Variants in TP63 observed in about 807,000 individuals in gnomAD.
TP63 encodes the protein tumor protein 63.
TP63 carries 17 observed loss-of-function variants against 82.8 expected under a neutral mutation model. The ratio of observed to expected loss-of-function variants is 0.21; its 90% CI spans 0.14 to 0.31. The LOEUF (loss-of-function observed/expected upper bound fraction) is 0.31. TP63 is among the 10% of genes least tolerant of loss of function. TP63 has a pLI of 1.00. For missense variants in TP63, 648 were observed against 895.3 expected, an observed-to-expected ratio of 0.72 and a Z score of 3.52; for synonymous variants, 330 against 321.7, an observed-to-expected ratio of 1.03 and a Z score of -0.28.
intron 3 of TP63, among the ~76,000 whole-genome samples, chr3:189,746,915 G>T (rs1577343012): frequency 6.6e-6 from 1 of 151,256 alleles, no homozygotes; most frequent in Non-Finnish European, 1.5e-5. Flanking sequence ...ATGAAAAAAG[G>T]CATTTCATGC....
intron 1 of TP63, among the ~76,000 whole-genome samples, chr3:189,684,826 T>C (rs1716302753): frequency 6.6e-6 from 1 of 152,042 alleles, no homozygotes. Flanking sequence ...GAAATGGGGT[T>C]TCTCCATGTT....
intron 9 of TP63, among the ~76,000 whole-genome samples, chr3:189,872,559 C>T (rs945584722): frequency 6.6e-6 from 1 of 151,968 alleles, no homozygotes; most frequent in Non-Finnish European, 1.5e-5. Flanking sequence ...ATGTAAAACA[C>T]GTGGCGCTAA....
At chr3:189,669,215 G>GA (rs141459396) in intron 1 of TP63, among the ~76,000 whole-genome samples, 3,165 of 151,590 alleles carry the variant, frequency 0.021, 124 homozygotes, top group African/African-American at 0.07. Flanking sequence ...TATAGCAAAA[G>GA]AAAAAAACAA....
intron 1 of TP63, among the ~76,000 whole-genome samples, chr3:189,682,547 A>T (rs964636672): frequency 2.5e-4 from 7 of 27,742 alleles, no homozygotes; most frequent in Admixed American, 5.4e-4. Context: ...AAAAAAAAAA[A>T]AAAAAAATAT....
intron 4 of TP63, among the ~76,000 whole-genome samples, chr3:189,840,751 G>A (rs1350947240): frequency 3.3e-5 from 5 of 151,352 alleles, no homozygotes; most frequent in South Asian, 2.1e-4. Context: ...CCAGCTACTC[G>A]GGAGCCTGAG....
At chr3:189,858,745 C>T (rs1716633638) in intron 4 of TP63, among the ~76,000 whole-genome samples, 1 of 152,124 alleles carries the variant, frequency 6.6e-6, no homozygotes, top group Non-Finnish European at 1.5e-5. Flanking sequence ...TGCCACTGTA[C>T]TGCAGCCTGA....
At chr3:189,621,132 T>C in the TP63 span, among the ~76,000 whole-genome samples, 1 of 152,308 alleles carries the variant, frequency 6.6e-6, no homozygotes, top group African/African-American at 2.4e-5. Flanking sequence ...ATGATGCCCA[T>C]TGACTGTGCA....
chr3:189,868,102 A>G lies in TP63; in HGVS notation c.992+160A>G, dbSNP rs183151451. Among the ~76,000 whole-genome samples the G allele has an allele frequency of 9.2e-5, 14 of 152,338 alleles. 1 individual carries two copies. The East Asian group carries it at 1.3e-3, about 15-fold the overall frequency. ...CAAACGGTTACATAAAAGATCTAAG[A>G]AAGTGGAGACAAAGGAAGGTGGGTA... On this transcript the variant is annotated intron_variant, in intron 7 of 13. Transcript: ENST00000264731.
intron 4 of TP63, among the ~76,000 whole-genome samples, chr3:189,856,055 T>A (rs1408272325): frequency 2.0e-5 from 3 of 151,870 alleles, no homozygotes; most frequent in African/African-American, 7.2e-5. Flanking sequence ...TTCTTAGCTA[T>A]AGAAGATATT....
At position 189,894,220 on chromosome 3, in the gene TP63, G is replaced by A. The variant is rs573105911; in HGVS notation, c.1761G>A (p.Leu587=). 2.2e-5 allele frequency: 36 copies of A among 1,613,978 alleles called. No homozygotes were observed. Among genetic ancestry groups the A allele is most frequent in the Non-Finnish European group, 2.2e-5 (26 of 1,180,014 alleles). ...CTGTTGCACAGGATCTGGCAAGTCTGAAAATCCCTGAGCAATTTCGACATG... is the reference window on the plus strand; with the variant it reads ...CTGTTGCACAGGATCTGGCAAGTCTAAAAATCCCTGAGCAATTTCGACATG... ...EHYSMDDLAS[L]KIPEQFRHAI... Residue 587 remains leucine (L), a synonymous_variant, in exon 14 of 14, where the codon CTG becomes CTA. Transcript: ENST00000264731.
At chr3:189,719,956 G>T (rs1163839796) in intron 1 of TP63, among the ~76,000 whole-genome samples, 4 of 152,078 alleles carry the variant, frequency 2.6e-5, no homozygotes, top group Non-Finnish European at 4.4e-5. Context: ...CATTTATTCT[G>T]TTTCTAAAAG....
chr3:189,878,617 C>G (rs1429443219), intron 10 of TP63, among the ~76,000 whole-genome samples: 2 of 144,142 alleles, frequency 1.4e-5, no homozygotes, highest in African/African-American at 2.6e-5. Flanking sequence ...TTAGTAGAGA[C>G]GGGATTTCAC....
chr3:189,894,145 G>A (rs2108872392), intron 13 of TP63, 61 bp from the exon 14 acceptor site: 2 of 1,598,634 alleles, frequency 1.3e-6, no homozygotes, highest in East Asian at 4.5e-5. Flanking sequence ...GGATGCTGTG[G>A]ACTAAATGTC....
At chr3:189,765,729 G>A (rs193285968) in intron 3 of TP63, among the ~76,000 whole-genome samples, 1 of 151,630 alleles carries the variant, frequency 6.6e-6, no homozygotes, top group Non-Finnish European at 1.5e-5. Flanking sequence ...CACCGCGCCC[G>A]GCCTGTCCTC....
chr3:189,598,507 GTCAAAGAAAAATATTTAA>G, the TP63 span, among the ~76,000 whole-genome samples: 1 of 152,178 alleles, frequency 6.6e-6, no homozygotes, highest in South Asian at 2.1e-4. Flanking sequence ...GCAGGCTAAA[GTCAAAGAAAAATATTTAA>G]TCAAAGAAAA....
chr3:189,773,584 C>G (rs1004189680), intron 3 of TP63, among the ~76,000 whole-genome samples: 6 of 152,140 alleles, frequency 3.9e-5, no homozygotes, highest in Non-Finnish European at 4.4e-5. Context: ...AGTTAAAGAA[C>G]AATAGTGGCT....
At chr3:189,642,885 A>G (rs1712024380) in intron 1 of TP63, among the ~76,000 whole-genome samples, 1 of 152,182 alleles carries the variant, frequency 6.6e-6, no homozygotes, top group African/African-American at 2.4e-5. Flanking sequence ...TGCAAAAACT[A>G]ATAATTTAAC....
At chr3:189,664,138 G>A (rs1051320977) in intron 1 of TP63, among the ~76,000 whole-genome samples, 6 of 151,824 alleles carry the variant, frequency 4.0e-5, no homozygotes, top group Non-Finnish European at 8.8e-5. Context: ...CTATATTTTT[G>A]TCATCTTTCC....
intron 3 of TP63, among the ~76,000 whole-genome samples, chr3:189,764,643 T>G (rs1404262392): frequency 1.3e-5 from 2 of 152,162 alleles, no homozygotes; most frequent in Non-Finnish European, 2.9e-5. Flanking sequence ...CCATTGTGTT[T>G]AGGAAAGACA....
Sources: allele counts gnomAD v4.1 joint callset (sites outside exome capture counted in the v4.1 genomes callset), GRCh38; gene constraint gnomAD v4.1.1; transcripts MANE v1.5; gene names NCBI Gene and HGNC (gene_info 2026-07-23, HGNC 2026-07-21).